The following ZNF394 variants were observed in gnomAD, a reference collection of about 807,000 sequenced individuals.
ZNF394 encodes the protein zinc finger protein 99.
In ZNF394, 19 loss-of-function variants were observed where a neutral mutation model predicts 21.8. The observed-to-expected ratio is 0.87, with a 90% CI of 0.61 to 1.28. The LOEUF (loss-of-function observed/expected upper bound fraction) is 1.28, where lower values mean the gene tolerates loss of function less well. ZNF394 is among the 50% of genes most tolerant of loss of function. The probability of loss-of-function intolerance (pLI) is 0.00; values close to 1 mark genes in which losing one functional copy is unlikely to be tolerated. For missense variants in ZNF394, 683 were observed against 708.6 expected (o/e 0.96, Z 0.41); for synonymous variants, 294 against 273.3 (o/e 1.08, Z -0.75).
chr7:99,489,666 A>G (rs979418024), downstream of ZNF394, among the ~76,000 whole-genome samples: 1 of 152,150 alleles, frequency 6.6e-6, no homozygotes, highest in Admixed American at 6.6e-5. Context: ...GTATTCAAAA[A>G]GTGTCAATTA....
Position 99,494,017 on chromosome 7 carries a change from C to G in ZNF394, c.1198G>C (p.Ala400Pro), listed in dbSNP as rs764808339. The G allele has an allele frequency of 1.9e-6, 3 of 1,613,864 alleles. No individual in the cohort carries two copies. The highest frequency in any genetic ancestry group is 1.7e-5 in the Admixed American group (1 of 59,976). ...ECGKSFSQSA[A>P]LTKHQRTHTG... ...TGTGTCCTCTGGTGCTTGGTCAGGG[C>G]AGCACTCTGGCTGAAGCTTTTCCCA... Residue 400 changes from alanine (A) to proline (P), a missense_variant, in exon 3 of 3, where the codon GCC (alanine) becomes CCC (proline). By Grantham distance (27) the Ala-to-Pro change is conservative (BLOSUM62 -1). Coordinates refer to ENST00000337673, the MANE Select transcript of ZNF394 (RefSeq NM_032164.4).
rs1584150908 is a variant in ZNF394, at chr7:99,500,243, C to T, written c.-150G>A. ...CCTCTCCACACTCTCCTTTCCTCAG[C>T]TTTGCGCCTACAACTCTCTCGGTCA... is the stretch of plus-strand genomic sequence containing the variant. On this transcript the variant is annotated 5_prime_UTR_variant, in exon 1 of 3. Coordinates refer to ENST00000337673, the MANE Select transcript of ZNF394 (RefSeq NM_032164.4). 2 of 685,322 alleles carry T rather than the reference C, an allele frequency of 2.9e-6. No individual in the cohort carries two copies. Among genetic ancestry groups the T allele is most frequent in the Non-Finnish European group, 4.5e-6 (2 of 443,280 alleles). The allele number at this position is 685,322 out of a possible 1,614,324, so 42.5% of individuals were successfully genotyped here. A position where few individuals can be genotyped will look rare whatever the true frequency, so the allele number is the denominator to read the frequency against.
Position 99,493,802 on chromosome 7 carries a change from A to G in ZNF394, c.1413T>C (p.Cys471=), listed in dbSNP as rs755367126. 4.3e-6 allele frequency: 7 copies of G among 1,614,140 alleles called. No homozygotes were observed. The highest frequency in any genetic ancestry group is 3.3e-5 in the South Asian group (3 of 91,084). The part of the protein sequence containing the change: ...RLHKGERPYK[C]EECEKSFKQR... The stretch of plus-strand genomic sequence containing the variant: ...GTTTGAAGCTCTTCTCGCATTCTTC[A>G]CACTTATAGGGTCTTTCCCCTTTAT... The change falls in exon 3 of 3, where the codon TGT becomes TGC. Residue 471 remains cysteine, a synonymous_variant. Coordinates refer to ENST00000337673, the MANE Select transcript of ZNF394 (RefSeq NM_032164.4).
In ZNF394 at chr7:99,493,959, C is replaced by T; in HGVS notation, c.1256G>A (p.Cys419Tyr). The T allele has an allele frequency of 6.2e-7, 1 of 1,614,238 alleles. No individual in the cohort carries two copies. The highest frequency in any genetic ancestry group is 8.5e-7 in the Non-Finnish European group (1 of 1,180,048). Reference sequence around the variant, plus strand: ...TGAATTCTGCCTGAAGCGCTCCCCACATTTCAGACAGGTGTACGGCTTCTC... The same window carrying T: ...TGAATTCTGCCTGAAGCGCTCCCCATATTTCAGACAGGTGTACGGCTTCTC... ...TGEKPYTCLK[C>Y]GERFRQNSHL... Residue 419 changes from cysteine (C) to tyrosine (Y), a missense_variant, in exon 3 of 3, where the codon TGT (cysteine) becomes TAT (tyrosine). By Grantham distance (194) the Cys-to-Tyr change is radical (BLOSUM62 -2). Around this residue, in one of 3 missense-constraint regions of ZNF394, gnomAD observed 274 missense variants for 314.1 expected, o/e 0.87. Transcript: ENST00000337673.
downstream of ZNF394, among the ~76,000 whole-genome samples, chr7:99,492,548 G>C (rs1477017998): frequency 6.7e-6 from 1 of 150,094 alleles, no homozygotes; most frequent in African/African-American, 2.5e-5. Flanking sequence ...GCTGAGGCAG[G>C]AGAATTGCTT....
chr7:99,494,281 CCTCA>C lies in ZNF394; in HGVS notation c.930_933del (p.Ser310ArgfsTer14), dbSNP rs759609703. 25 of 1,614,130 alleles carry C rather than the reference CCTCA, an allele frequency of 1.5e-5. No individual in the cohort carries two copies. Among genetic ancestry groups the C allele is most frequent in the Non-Finnish European group, 2.0e-5 (24 of 1,180,062 alleles). On this transcript the variant is annotated frameshift_variant, in exon 3 of 3. Coordinates refer to ENST00000337673, the MANE Select transcript of ZNF394 (RefSeq NM_032164.4). LOFTEE classifies it low-confidence loss of function (END_TRUNC). Reference sequence around the variant, plus strand: ...CTTTGCTTGCACTTGTTCCCGTGTTCCTCACTGTCAGTGGGCCTCTCTGCTTTCG... The same window carrying C: ...CTTTGCTTGCACTTGTTCCCGTGTTCCTGTCAGTGGGCCTCTCTGCTTTCG...
In ZNF394 at chr7:99,493,594, T is replaced by C. The variant is rs1800211831; in HGVS notation, c.1621A>G (p.Ile541Val). ...GERFRQSTHL[I>V]RHQRIHQNKV... is the part of the protein sequence containing the mutation. ...TTTTGATGAATTCTTTGGTGTCGGA[T>C]AAGGTGTGTACTTTGTCTAAATCTT... Residue 541 changes from isoleucine to valine, a missense_variant, in exon 3 of 3, where the codon ATC becomes GTC. Physicochemically the swap from Ile to Val is conservative, Grantham distance 29. Transcript: ENST00000337673. 1 of 1,614,130 alleles carries C rather than the reference T, an allele frequency of 6.2e-7. No individual in the cohort carries two copies. The highest frequency in any genetic ancestry group is 1.3e-5 in the African/African-American group (1 of 75,048).
At position 99,493,558 on chromosome 7, in the gene ZNF394, A is replaced by G. The variant is rs1480946575; in HGVS notation, c.1657T>C (p.Ser553Pro). The change falls in exon 3 of 3, where the codon TCG (serine) becomes CCG (proline). Residue 553 changes from serine (S) to proline (P), a missense_variant. Ser to Pro is a moderately conservative substitution (Grantham distance 74). This residue lies in a region of ZNF394 where 274 missense variants were observed against 314.1 expected (regional missense o/e 0.87). Coordinates refer to ENST00000337673, the MANE Select transcript of ZNF394 (RefSeq NM_032164.4). Reference protein sequence around the residue: ...HQRIHQNKVLSAGRGGSRL With the variant: ...HQRIHQNKVLPAGRGGSRL ...AGGCGTGAGCCACCACGCCCAGCCG[A>G]CAGCACTTTATTTTGATGAATTCTT... is the stretch of plus-strand genomic sequence containing the variant. 1 of 1,612,088 alleles carries G rather than the reference A, an allele frequency of 6.2e-7. No homozygotes were observed. Among genetic ancestry groups the G allele is most frequent in the Non-Finnish European group, 8.5e-7 (1 of 1,178,726 alleles).
chr7:99,497,287 G>A (rs969493899), intron 2 of ZNF394, among the ~76,000 whole-genome samples: 2 of 150,734 alleles, frequency 1.3e-5, no homozygotes, highest in African/African-American at 4.9e-5. Context: ...CCATTCTCCC[G>A]CCTCAGCCTC....
downstream of ZNF394, among the ~76,000 whole-genome samples, chr7:99,489,154 C>T (rs748949631): frequency 1.4e-4 from 21 of 151,030 alleles, no homozygotes; most frequent in Non-Finnish European, 2.2e-4. Flanking sequence ...CATGGTGGTG[C>T]GCGCCTGTAG....
In ZNF394 at chr7:99,499,922, G is replaced by C. The variant is rs1367554593; in HGVS notation, c.172C>G (p.Pro58Ala). ...SWEPNYPAASPDPETSRLHFR... is the reference protein window; with the variant it reads ...SWEPNYPAASADPETSRLHFR... ...TGCAGTCGAGAAGTTTCGGGGTCCG[G>C]CGAAGCCGCGGGATAGTTGGGCTCC... The change falls in exon 1 of 3, where the codon CCG (proline) becomes GCG (alanine). Residue 58 changes from proline (P) to alanine (A), a missense_variant. Coordinates refer to ENST00000337673, the MANE Select transcript of ZNF394 (RefSeq NM_032164.4). 6.2e-7 allele frequency: 1 copy of C among 1,614,114 alleles called. No individual in the cohort carries two copies. Among genetic ancestry groups the C allele is most frequent in the Non-Finnish European group, 8.5e-7 (1 of 1,180,042 alleles).
At chr7:99,497,016 G>T (rs1800336069) in intron 2 of ZNF394, among the ~76,000 whole-genome samples, 1 of 150,180 alleles carries the variant, frequency 6.7e-6, no homozygotes, top group Non-Finnish European at 1.5e-5. Context: ...AAGTCCCCCA[G>T]TGATGCCTGA....
At chr7:99,487,567 T>C (rs1169175674) in intron 1 of ZNF394, 1 of 1,486,966 alleles carries the variant, frequency 6.7e-7, no homozygotes, top group Non-Finnish European at 9.0e-7. Flanking sequence ...ATTGTTTCCA[T>C]GAAAAGCAAT....
intron 1 of ZNF394, 25 bp downstream of exon 1, chr7:99,499,613 C>G: frequency 1.3e-6 from 2 of 1,546,234 alleles, no homozygotes; most frequent in African/African-American, 1.4e-5. Flanking sequence ...ACTCCCACCT[C>G]CAGAACAGGC....
intron 2 of ZNF394, among the ~76,000 whole-genome samples, chr7:99,497,155 T>TATATATATATA (rs1285527600): frequency 7.5e-6 from 1 of 132,612 alleles, no homozygotes; most frequent in African/African-American, 3.2e-5. Flanking sequence ...TATATATATA[T>TATATATATATA]AAAATGTTTT....
At chr7:99,487,660 C>G in intron 1 of ZNF394, 1 of 724,810 alleles carries the variant, frequency 1.4e-6, no homozygotes, top group Non-Finnish European at 2.2e-6. Context: ...GAAATGTTAG[C>G]TTGGGCAACA....
At position 99,493,920 on chromosome 7, in the gene ZNF394, T is replaced by G. The variant is rs779990254; in HGVS notation, c.1295A>C (p.His432Pro). 3.7e-6 allele frequency: 6 copies of G among 1,614,262 alleles called. No individual in the cohort carries two copies. Among genetic ancestry groups the G allele is most frequent in the Non-Finnish European group, 5.1e-6 (6 of 1,180,052 alleles). The change falls in exon 3 of 3, where the codon CAT (histidine) becomes CCT (proline). Residue 432 changes from histidine to proline, a missense_variant. By Grantham distance (77) the His-to-Pro change is moderately conservative (BLOSUM62 -2). Coordinates refer to ENST00000337673, the MANE Select transcript of ZNF394 (RefSeq NM_032164.4). ...TTTGTCTCTACTGTGGGTACTTTGA[T>G]GACGATTTAGGTGTGAATTCTGCCT... The part of the protein sequence containing the change: ...RFRQNSHLNR[H>P]QSTHSRDKHF...
In ZNF394 at chr7:99,497,122, G is replaced by GTGTA. The variant is rs1322382800; in HGVS notation, c.583+1593_583+1594insTACA. Among the ~76,000 whole-genome samples the GTGTA allele has an allele frequency of 4.7e-3, 370 of 79,332 alleles. 3 individuals carry two copies. Among genetic ancestry groups the GTGTA allele is most frequent in the African/African-American group, 7.7e-3 (104 of 13,552 alleles). 52.0% of individuals were successfully genotyped at this position (79,332 alleles called of 152,430 possible). A position where few individuals can be genotyped will look rare whatever the true frequency, so the allele number is the denominator to read the frequency against. On this transcript the variant is annotated intron_variant, in intron 2 of 2. Coordinates refer to ENST00000337673, the MANE Select transcript of ZNF394 (RefSeq NM_032164.4). ...TGTGTGTGTGTGTGTGTGTGTGTGT[G>GTGTA]TATATATATATATATATATGTATAT...
downstream of ZNF394, among the ~76,000 whole-genome samples, chr7:99,492,152 G>A (rs576820441): frequency 7.9e-5 from 12 of 152,072 alleles, no homozygotes; most frequent in East Asian, 2.1e-3. Flanking sequence ...AAGAAAGAGG[G>A]ACTATGCAAA....
Sources: allele counts gnomAD v4.1 joint callset (sites outside exome capture counted in the v4.1 genomes callset), GRCh38; gene constraint gnomAD v4.1.1; regional missense constraint gnomAD v4.1.1; transcripts MANE v1.5; gene names NCBI Gene and HGNC (gene_info 2026-07-23, HGNC 2026-07-21).